Variants in SVEP1 observed in about 807,000 individuals in gnomAD.
SVEP1 encodes sushi, von Willebrand factor type A, EGF and pentraxin domain containing 1.
A neutral mutation model predicts 367.3 loss-of-function variants in SVEP1; 164 were observed. The observed-to-expected ratio is 0.45, with a 90% confidence interval of 0.39 to 0.51. The LOEUF is 0.51. Among genes scored for constraint, SVEP1 ranks in the 20% least tolerant of loss-of-function variants. The pLI is 0.00. For missense variants in SVEP1, 4,117 were observed against 4,425.3 expected (o/e 0.93, Z 1.98); for synonymous variants, 1,666 against 1,611.6 (o/e 1.03, Z -0.81).
chr9:110,525,537 C>T (rs773604976), intron 3 of SVEP1, among the ~76,000 whole-genome samples: 11 of 151,932 alleles, frequency 7.2e-5, no homozygotes, highest in African/African-American at 1.5e-4. Flanking sequence ...CGAGGAAAAT[C>T]CCAAGAAGAT....
At chr9:110,379,561 A>T in intron 43 of SVEP1, 44 bp from the exon 44 acceptor site, 1 of 1,595,224 alleles carries the variant, frequency 6.3e-7, no homozygotes, top group Non-Finnish European at 8.6e-7. Context: ...CTATTAACAC[A>T]GACTGAGAAC....
At chr9:110,515,407 T>C (rs1829786839) in intron 3 of SVEP1, among the ~76,000 whole-genome samples, 1 of 151,666 alleles carries the variant, frequency 6.6e-6, no homozygotes, top group Non-Finnish European at 1.5e-5. Context: ...TTCGTGCCAT[T>C]CTCCTGCCTC....
In SVEP1 at chr9:110,387,314, G is replaced by C. The variant is rs1456755215; in HGVS notation, c.10031C>G (p.Thr3344Ser). Reference sequence around the variant, plus strand: ...GCAGAGAGGGACTGGGTGGCTCCAGGTTCCATTTTCTGTGCAGTGTGCCTC... The same window carrying C: ...GCAGAGAGGGACTGGGTGGCTCCAGCTTCCATTTTCTGTGCAGTGTGCCTC... ...PSEAHCTENG[T>S]WSHPVPLCKP... Residue 3344 changes from threonine (T) to serine (S), a missense_variant, in exon 42 of 48, where the codon ACC becomes AGC. Physicochemically the swap from Thr to Ser is moderately conservative, Grantham distance 58. Coordinates refer to ENST00000374469, the MANE Select transcript of SVEP1 (RefSeq NM_153366.4). 8 of 1,604,354 alleles carry C rather than the reference G, an allele frequency of 5.0e-6. No individual in the cohort carries two copies. The highest frequency in any genetic ancestry group is 6.8e-6 in the Non-Finnish European group (8 of 1,177,588).
At chr9:110,516,553 A>T (rs1394898505) in intron 3 of SVEP1, among the ~76,000 whole-genome samples, 1 of 152,148 alleles carries the variant, frequency 6.6e-6, no homozygotes, top group Non-Finnish European at 1.5e-5. Flanking sequence ...ATATTGTAAT[A>T]TTTCTTTCTA....
chr9:110,509,865 G>C (rs572025232), intron 5 of SVEP1, among the ~76,000 whole-genome samples: 32 of 152,248 alleles, frequency 2.1e-4, no homozygotes, highest in Non-Finnish European at 4.1e-4. Flanking sequence ...TGGTTTAGCA[G>C]AGGAGGTAGA....
At chr9:110,399,146 C>T (rs1047724814) in intron 40 of SVEP1, among the ~76,000 whole-genome samples, 4 of 152,120 alleles carry the variant, frequency 2.6e-5, no homozygotes, top group Non-Finnish European at 5.9e-5. Context: ...ATATATACAC[C>T]ATGGAATACT....
chr9:110,444,846 T>C (rs1828565226), intron 26 of SVEP1, among the ~76,000 whole-genome samples: 1 of 152,218 alleles, frequency 6.6e-6, no homozygotes. Context: ...TCTCTTTATA[T>C]ATATTTTGTC....
chr9:110,536,100 G>A (rs996884688), intron 3 of SVEP1, among the ~76,000 whole-genome samples: 4 of 152,020 alleles, frequency 2.6e-5, no homozygotes, highest in African/African-American at 7.2e-5. Context: ...GTCACAGATG[G>A]CTCTTATTAG....
rs768328513 is a variant in SVEP1, at chr9:110,411,456, T to C, written c.6255A>G (p.Lys2085=). 1.9e-6 allele frequency: 3 copies of C among 1,613,714 alleles called. No homozygotes were observed. In the South Asian group the frequency reaches 3.3e-5, roughly 18 times the overall value. The change falls in exon 37 of 48, where the codon AAA becomes AAG. Residue 2085 remains lysine (K), a synonymous_variant. Coordinates refer to ENST00000374469, the MANE Select transcript of SVEP1 (RefSeq NM_153366.4). ...MPRCIAHFCE[K]PPSVSYSILE... is the part of the protein sequence containing the mutation. ...AGATGCTATAGGAAACCGATGGAGG[T>C]TTTTCACAGAAATGAGCTATACAAC...
chr9:110,472,228 T>C lies in SVEP1; in HGVS notation c.2695A>G (p.Lys899Glu), dbSNP rs754997421. 8.1e-6 allele frequency: 13 copies of C among 1,613,522 alleles called. No individual in the cohort carries two copies. In the South Asian group the frequency reaches 1.4e-4, roughly 18 times the overall value. ...GCACTTCTTTTAATCCGTGAGGACT[T>C]GGCATTGCCGATGCTTGTGGCTGTT... The part of the protein sequence containing the change: ...QETATSIGNA[K>E]SSRIKRSAPL... Residue 899 changes from lysine to glutamate, a missense_variant, in exon 15 of 48, where the codon AAG (lysine) becomes GAG (glutamate). Lys to Glu is a moderately conservative substitution (Grantham distance 56, BLOSUM62 1). Transcript: ENST00000374469.
At chr9:110,393,251 A>G (rs1827695536) in intron 40 of SVEP1, among the ~76,000 whole-genome samples, 1 of 152,198 alleles carries the variant, frequency 6.6e-6, no homozygotes, top group African/African-American at 2.4e-5. Flanking sequence ...TCCGAATGTA[A>G]TCACCATTAT....
intron 1 of SVEP1, among the ~76,000 whole-genome samples, chr9:110,568,443 G>A (rs539744550): frequency 1.3e-4 from 20 of 152,216 alleles, no homozygotes; most frequent in Middle Eastern, 3.4e-3. Flanking sequence ...TAAATATTTC[G>A]TTTTAGGATT....
Position 110,448,167 on chromosome 9 carries a change from G to A in SVEP1, c.4104-1110C>T, listed in dbSNP as rs545156786. 0.036 allele frequency among the ~76,000 whole-genome samples: 2,290 copies of A among 63,366 alleles called. 47 individuals are homozygous for A. In the East Asian group the frequency reaches 0.38, roughly 10 times the overall value. 41.6% of individuals were successfully genotyped at this position (63,366 alleles called of 152,430 possible). A position where few individuals can be genotyped will look rare whatever the true frequency, so the allele number is the denominator to read the frequency against. On this transcript the variant is annotated intron_variant, in intron 24 of 47. Coordinates refer to ENST00000374469, the MANE Select transcript of SVEP1 (RefSeq NM_153366.4). ...TGTGTGTGCGCGTGTGTGTGTGCGC[G>A]CGCTCGCGCGTGTGTATGCATGTGT... is the stretch of plus-strand genomic sequence containing the variant.
intron 35 of SVEP1, 67 bp downstream of exon 35, chr9:110,429,076 T>A (rs1294199111): frequency 8.9e-6 from 12 of 1,342,150 alleles, no homozygotes; most frequent in Middle Eastern, 2.0e-4. Flanking sequence ...CTCAAAAAAA[T>A]TAAAATAAAA....
At chr9:110,576,980 T>A (rs1830634780) in intron 1 of SVEP1, among the ~76,000 whole-genome samples, 1 of 152,014 alleles carries the variant, frequency 6.6e-6, no homozygotes, top group South Asian at 2.1e-4. Flanking sequence ...TTTCTCTGAT[T>A]TGGGAAATGA....
At chr9:110,525,335 T>C (rs757053712) in intron 3 of SVEP1, among the ~76,000 whole-genome samples, 1 of 152,042 alleles carries the variant, frequency 6.6e-6, no homozygotes, top group Non-Finnish European at 1.5e-5. Flanking sequence ...GACAATGAAA[T>C]TAAAAATATG....
chr9:110,394,701 C>T (rs960866390), intron 40 of SVEP1, among the ~76,000 whole-genome samples: 2 of 152,060 alleles, frequency 1.3e-5, no homozygotes, highest in Non-Finnish European at 2.9e-5. Context: ...ACTACGTGAC[C>T]AGTGCAGAAG....
rs1407338417 is a variant in SVEP1 at position 110,406,276 on chromosome 9, C to A, written c.9324G>T (p.Gly3108=). ...AGACTGGATAAGGCTGGCTCCATAC[C>A]CCTTTCTCTGTACAAATCAGATCTG... is the stretch of plus-strand genomic sequence containing the variant. The part of the protein sequence containing the change: ...GSSDLICTEK[G]VWSQPYPVCE... Residue 3108 remains glycine (G), a synonymous_variant, in exon 38 of 48, where the codon GGG becomes GGT. Coordinates refer to ENST00000374469, the MANE Select transcript of SVEP1 (RefSeq NM_153366.4). 5.6e-6 allele frequency: 9 copies of A among 1,613,912 alleles called. No homozygotes were observed. Among genetic ancestry groups the A allele is most frequent in the Non-Finnish European group, 7.6e-6 (9 of 1,179,900 alleles).
chr9:110,427,141 T>C (rs1437621979), intron 36 of SVEP1, among the ~76,000 whole-genome samples: 1 of 151,464 alleles, frequency 6.6e-6, no homozygotes, highest in Admixed American at 6.6e-5. Flanking sequence ...CTACTAAAAA[T>C]ACAAAAAGTA....
Sources: gnomAD v4.1 joint callset for allele counts (sites outside exome capture counted in the v4.1 genomes callset) on GRCh38, gnomAD v4.1.1 for gene constraint, MANE v1.5 for transcripts, NCBI Gene and HGNC (gene_info 2026-07-23, HGNC 2026-07-21) for gene names.